The following NOTO variants were observed in gnomAD, a reference collection of about 807,000 sequenced individuals.
The protein encoded by NOTO is homeobox protein notochord.
A neutral mutation model predicts 20.5 loss-of-function variants in NOTO; 19 were observed. The ratio of observed to expected loss-of-function variants is 0.93; its 90% confidence interval spans 0.65 to 1.36. The LOEUF (loss-of-function observed/expected upper bound fraction) is 1.36. NOTO is among the 40% of genes most tolerant of loss of function. The pLI is 0.00. For missense variants in NOTO, 369 were observed against 336.2 expected, an observed-to-expected ratio of 1.10 and a Z score of -0.76; for synonymous variants, 150 against 150.2, an observed-to-expected ratio of 1.00 and a Z score of 0.01.
Position 73,211,398 on chromosome 2 carries a change from C to G in NOTO, c.*469C>G, listed in dbSNP as rs534742812. 2 of 152,698 alleles carry G rather than the reference C, an allele frequency of 1.3e-5. No homozygotes were observed. The highest frequency in any genetic ancestry group is 4.8e-5 in the African/African-American group (2 of 41,590). The allele number at this position is 152,698 out of a possible 1,614,324, so 9.5% of individuals were successfully genotyped here. Reference sequence around the variant, plus strand: ...TGTGACCAAACGTATAGGGGTGTACCCCACATTCCAACCTCCAGTTCAGCA... The same window carrying G: ...TGTGACCAAACGTATAGGGGTGTACGCCACATTCCAACCTCCAGTTCAGCA... On this transcript the variant is annotated 3_prime_UTR_variant, in exon 3 of 3. Coordinates refer to ENST00000398468, the MANE Select transcript of NOTO (RefSeq NM_001134462.2).
chr2:73,205,749 C>G (rs1040829866), intron 1 of NOTO, among the ~76,000 whole-genome samples: 2 of 152,032 alleles, frequency 1.3e-5, no homozygotes, highest in African/African-American at 4.8e-5. Context: ...AAGCACTCCT[C>G]CTTAGCTTCC....
chr2:73,205,279 A>G (rs1686074432), intron 1 of NOTO, among the ~76,000 whole-genome samples: 1 of 152,186 alleles, frequency 6.6e-6, no homozygotes, highest in Non-Finnish European at 1.5e-5. Flanking sequence ...TGGGAGGCCA[A>G]GGCGGGTGGA....
intron 2 of NOTO, 118 bp from the exon 3 acceptor site, chr2:73,210,653 C>T: frequency 1.3e-6 from 1 of 782,572 alleles, no homozygotes; most frequent in Admixed American, 2.9e-5. Flanking sequence ...GGAGGAGGTA[C>T]CTCCCTGAGA....
intron 1 of NOTO, among the ~76,000 whole-genome samples, chr2:73,205,537 A>C (rs1686077801): frequency 6.6e-6 from 1 of 152,168 alleles, no homozygotes; most frequent in Non-Finnish European, 1.5e-5. Context: ...ACTGTAATGA[A>C]CTACAAATGT....
rs1184829827 is a variant in NOTO at position 73,202,910 on chromosome 2, G to A, written c.244G>A (p.Ala82Thr). ...CGTCCACCCGGCCTTCTGGACCGCT[G>A]CTTCCCTGTGCGCCACCGGGGGTCT... ...ACVHPAFWTA[A>T]SLCATGGLPW... is the part of the protein sequence containing the mutation. The change falls in exon 1 of 3, where the codon GCT becomes ACT. Residue 82 changes from alanine (A) to threonine (T), a missense_variant. By Grantham distance (58) the Ala-to-Thr change is moderately conservative (BLOSUM62 0). Transcript: ENST00000398468. 7.9e-6 allele frequency: 12 copies of A among 1,526,392 alleles called. No individual in the cohort carries two copies. Among genetic ancestry groups the A allele is most frequent in the Non-Finnish European group, 9.6e-6 (11 of 1,141,384 alleles). 94.6% of individuals were successfully genotyped at this position (1,526,392 alleles called of 1,614,324 possible). A position where few individuals can be genotyped will look rare whatever the true frequency, so the allele number is the denominator to read the frequency against.
rs1293202395 is a variant in NOTO at position 73,202,737 on chromosome 2, C to G, written c.71C>G (p.Ser24Cys). Residue 24 changes from serine (S) to cysteine (C), a missense_variant, in exon 1 of 3, where the codon TCT (serine) becomes TGT (cysteine). Transcript: ENST00000398468. ...PSGSRVRPPR[S>C]GRSPAPRSPT... ...GGCTCTCGGGTCCGACCTCCGCGCT[C>G]TGGCCGCTCTCCGGCGCCCAGGTCC... 6.6e-7 allele frequency: 1 copy of G among 1,519,908 alleles called. No individual in the cohort carries two copies. Among genetic ancestry groups the G allele is most frequent in the Admixed American group, 2.0e-5 (1 of 50,000 alleles). 94.2% of individuals were successfully genotyped at this position (1,519,908 alleles called of 1,614,324 possible).
chr2:73,207,713 C>T lies in NOTO; in HGVS notation c.383-687C>T, dbSNP rs557661293. 5.2e-4 allele frequency among the ~76,000 whole-genome samples: 79 copies of T among 152,134 alleles called. 2 individuals are homozygous for T. The highest frequency in any genetic ancestry group is 3.5e-3 in the Admixed American group (53 of 15,276). On this transcript the variant is annotated intron_variant, in intron 1 of 2. Transcript: ENST00000398468. ...GGGATTACAGGCATGTGCCACCATG[C>T]CTGGCTAATTTTTGTATTTTTAGTA... is the stretch of plus-strand genomic sequence containing the variant.
rs1331080379 is a variant in NOTO at position 73,210,876 on chromosome 2, A to G, written c.703A>G (p.Ser235Gly). 2 of 1,551,596 alleles carry G rather than the reference A, an allele frequency of 1.3e-6. No homozygotes were observed. The highest frequency in any genetic ancestry group is 1.7e-6 in the Non-Finnish European group (2 of 1,146,982). The change falls in exon 3 of 3, where the codon AGC becomes GGC. Residue 235 changes from serine (S) to glycine (G), a missense_variant. By Grantham distance (56) the Ser-to-Gly change is moderately conservative. Coordinates refer to ENST00000398468, the MANE Select transcript of NOTO (RefSeq NM_001134462.2). ...EAASLDEPSSSSIASIQSDDA... is the reference protein window; with the variant it reads ...EAASLDEPSSGSIASIQSDDA... ...TGCCTCCCTGGATGAGCCTTCCAGC[A>G]GCTCCATCGCCAGTATCCAGAGTGA...
intron 2 of NOTO, among the ~76,000 whole-genome samples, chr2:73,209,627 G>A (rs1047917210): frequency 1.3e-5 from 2 of 152,038 alleles, no homozygotes; most frequent in African/African-American, 2.4e-5. Flanking sequence ...TGGGGACCTC[G>A]AAATCTCTTC....
chr2:73,202,697 C>A lies in NOTO; in HGVS notation c.31C>A (p.Pro11Thr). 6.6e-7 allele frequency: 1 copy of A among 1,510,942 alleles called. No homozygotes were observed. Among genetic ancestry groups the A allele is most frequent in the East Asian group, 2.7e-5 (1 of 37,546 alleles). 93.6% of individuals were successfully genotyped at this position (1,510,942 alleles called of 1,614,324 possible). MPSPRPRGSP[P>T]PAPSGSRVRP... ...TAGCCCCAGGCCGCGAGGCAGCCCG[C>A]CACCCGCTCCCTCGGGCTCTCGGGT... Residue 11 changes from proline to threonine, a missense_variant, in exon 1 of 3, where the codon CCA (proline) becomes ACA (threonine). By Grantham distance (38) the Pro-to-Thr change is conservative. Coordinates refer to ENST00000398468, the MANE Select transcript of NOTO (RefSeq NM_001134462.2).
At position 73,212,011 on chromosome 2, in the gene NOTO, G is replaced by C. The variant is rs1440692562; in HGVS notation, c.*1082G>C. ...GTGGAGAAGGAACCTCTTTGAATAA[G>C]CATCTGGGCATAGAAGACTCTTCAC... On this transcript the variant is annotated 3_prime_UTR_variant, in exon 3 of 3. Coordinates refer to ENST00000398468, the MANE Select transcript of NOTO (RefSeq NM_001134462.2). 6.6e-6 allele frequency: 1 copy of C among 152,202 alleles called. No homozygotes were observed. The highest frequency in any genetic ancestry group is 6.5e-5 in the Admixed American group (1 of 15,278). 9.4% of individuals were successfully genotyped at this position (152,202 alleles called of 1,614,324 possible).
At position 73,208,618 on chromosome 2, in the gene NOTO, G is replaced by A. The variant is rs1033878189; in HGVS notation, c.597+4G>A. The A allele has an allele frequency of 2.6e-6, 4 of 1,542,784 alleles. No individual in the cohort carries two copies. In the African/African-American group the frequency reaches 5.5e-5, roughly 21 times the overall value. On this transcript the variant is annotated splice_donor_region_variant and intron_variant, in intron 2 of 2. Transcript: ENST00000398468. ...GCTCAAACTTACAGAGAACCAGGTG[G>A]GAGTAGGGACTCCTATTGGGCCTGG...
At chr2:73,209,207 A>G (rs957416303) in intron 2 of NOTO, among the ~76,000 whole-genome samples, 1 of 151,920 alleles carries the variant, frequency 6.6e-6, no homozygotes, top group Non-Finnish European at 1.5e-5. Flanking sequence ...AAGAAGAAAA[A>G]AATTAAGTAG....
Position 73,202,631 on chromosome 2 carries a change from T to A in NOTO, c.-36T>A. Reference sequence around the variant, plus strand: ...CAGAATCTTCTCACTTCTCCCGAGCTCCCTTCCTTGCGTCCGTCCGGGCAA... The same window carrying A: ...CAGAATCTTCTCACTTCTCCCGAGCACCCTTCCTTGCGTCCGTCCGGGCAA... On this transcript the variant is annotated 5_prime_UTR_variant, in exon 1 of 3. Coordinates refer to ENST00000398468, the MANE Select transcript of NOTO (RefSeq NM_001134462.2). 1 of 1,420,784 alleles carries A rather than the reference T, an allele frequency of 7.0e-7. No individual in the cohort carries two copies. 88.0% of individuals were successfully genotyped at this position (1,420,784 alleles called of 1,614,324 possible). A position where few individuals can be genotyped will look rare whatever the true frequency, so the allele number is the denominator to read the frequency against.
At position 73,210,329 on chromosome 2, in the gene NOTO, C is replaced by G. The variant is rs139960799; in HGVS notation, c.598-442C>G. On this transcript the variant is annotated intron_variant, in intron 2 of 2. Transcript: ENST00000398468. ...TACAGGTTGTTCCCTGCCCTGCAGA[C>G]CTGCTCTTCTCTGTCCCCATCAGGT... is the stretch of plus-strand genomic sequence containing the variant. Among the ~76,000 whole-genome samples, 168 of 151,214 alleles carry G rather than the reference C, an allele frequency of 1.1e-3. 1 individual carries two copies. Among genetic ancestry groups the G allele is most frequent in the African/African-American group, 3.9e-3 (159 of 40,978 alleles).
Position 73,204,016 on chromosome 2 carries a change from G to T in NOTO, c.382+968G>T, listed in dbSNP as rs565702101. ...CAGGAGGCTGAGGCAGGAGAATGGC[G>T]TGAACCCGGGAGGCGGAGCTTGCAG... is the stretch of plus-strand genomic sequence containing the variant. On this transcript the variant is annotated intron_variant, in intron 1 of 2. Coordinates refer to ENST00000398468, the MANE Select transcript of NOTO (RefSeq NM_001134462.2). Among the ~76,000 whole-genome samples the T allele has an allele frequency of 1.2e-4, 12 of 98,038 alleles. 1 individual carries two copies. The South Asian group carries it at 3.4e-3, about 28-fold the overall frequency. 64.3% of individuals were successfully genotyped at this position (98,038 alleles called of 152,430 possible). A position where few individuals can be genotyped will look rare whatever the true frequency, so the allele number is the denominator to read the frequency against.
intron 1 of NOTO, among the ~76,000 whole-genome samples, chr2:73,207,621 C>G (rs1244767998): frequency 6.6e-6 from 1 of 152,060 alleles, no homozygotes; most frequent in African/African-American, 2.4e-5. Context: ...TGGGCTCTAT[C>G]TTGGCTCACT....
At chr2:73,208,711 C>T (rs1353346223) in intron 2 of NOTO, 97 bp downstream of exon 2, 4 of 781,420 alleles carry the variant, frequency 5.1e-6, no homozygotes, top group East Asian at 5.3e-5. Flanking sequence ...GATATGGGCC[C>T]TCTTCCCTGT....
rs180858889 is a variant in NOTO, at chr2:73,212,291, C to G, written c.*1362C>G. On this transcript the variant is annotated 3_prime_UTR_variant, in exon 3 of 3. Transcript: ENST00000398468. ...TCCTAAGCAGCTGGGACTACAGGCG[C>G]GTGACACCACGCCTGGCTAATTTTT... The G allele has an allele frequency of 6.6e-6, 1 of 152,204 alleles. No homozygotes were observed. Among genetic ancestry groups the G allele is most frequent in the African/African-American group, 2.4e-5 (1 of 41,434 alleles). 9.4% of individuals were successfully genotyped at this position (152,204 alleles called of 1,614,324 possible).
Sources: gnomAD v4.1 joint callset for allele counts (sites outside exome capture counted in the v4.1 genomes callset) on GRCh38, gnomAD v4.1.1 for gene constraint, MANE v1.5 for transcripts, NCBI Gene and HGNC (gene_info 2026-07-23, HGNC 2026-07-21) for gene names.